The following TBC1D8B variants were observed in gnomAD, a reference collection of about 807,000 sequenced individuals.
TBC1D8B encodes RP11-321G1.1.
A neutral mutation model predicts 82.9 loss-of-function variants in TBC1D8B; 75 were observed. That is an observed-to-expected ratio of 0.90 (90% CI 0.75 to 1.10). The LOEUF (loss-of-function observed/expected upper bound fraction) is 1.10. Among genes scored for constraint, TBC1D8B ranks in the 50% least tolerant of loss-of-function variants. TBC1D8B has a pLI of 0.00. For missense variants in TBC1D8B, 794 were observed against 796.9 expected (o/e 1.00, Z 0.04); for synonymous variants, 276 against 276.8 (o/e 1.00, Z 0.03).
chrX:106,867,681 A>T (rs1932823159), intron 17 of TBC1D8B, among the ~76,000 whole-genome samples: 1 of 111,655 alleles, frequency 9.0e-6, no homozygotes, highest in Non-Finnish European at 1.9e-5. Context: ...GGGGTAGTTC[A>T]CAAAAACAAA....
chrX:106,832,425 A>C (rs2147744215), intron 7 of TBC1D8B, among the ~76,000 whole-genome samples: 1 of 111,415 alleles, frequency 9.0e-6, no homozygotes, highest in African/African-American at 3.2e-5. Flanking sequence ...TGACACATAT[A>C]ATCAAGAACT....
intron 10 of TBC1D8B, among the ~76,000 whole-genome samples, chrX:106,844,813 A>T (rs1316326319): frequency 5.4e-5 from 6 of 110,617 alleles, no homozygotes; most frequent in Non-Finnish European, 1.1e-4. Flanking sequence ...GGTGGTAATT[A>T]TTCTCTAAAT....
chrX:106,854,305 G>T lies in TBC1D8B; in HGVS notation c.2352+9G>T. ...CAACAAAACAGAATGTGGTAAGTAT[G>T]CAACCAATGAGGAAAAACCAGTTGG... On this transcript the variant is annotated intron_variant, in intron 14 of 20. Coordinates refer to ENST00000357242, the MANE Select transcript of TBC1D8B (RefSeq NM_017752.3). 1 of 1,113,917 alleles carries T rather than the reference G, an allele frequency of 9.0e-7. No homozygotes were observed. The highest frequency in any genetic ancestry group is 1.2e-6 in the Non-Finnish European group (1 of 836,400). 91.8% of individuals were successfully genotyped at this position (1,113,917 alleles called of 1,213,427 possible).
Position 106,866,015 on chromosome X carries a change from G to A in TBC1D8B, c.2644G>A (p.Glu882Lys). ...CTCTGATTGCCTTATAAACTTCAAA[G>A]AATTCTCCTCTGCAATTGGTAAGAT... ...ENSDCLINFKEFSSAIDIMYN... is the reference protein window; with the variant it reads ...ENSDCLINFKKFSSAIDIMYN... Residue 882 changes from glutamate (E) to lysine (K), a missense_variant, in exon 16 of 21, where the codon GAA becomes AAA. By Grantham distance (56) the Glu-to-Lys change is moderately conservative. Coordinates refer to ENST00000357242, the MANE Select transcript of TBC1D8B (RefSeq NM_017752.3). 1.7e-6 allele frequency: 2 copies of A among 1,201,152 alleles called. No individual in the cohort carries two copies. The highest frequency in any genetic ancestry group is 2.2e-6 in the Non-Finnish European group (2 of 891,683).
rs1256814733 is a variant in TBC1D8B, at chrX:106,875,458, C to T, written c.*1493C>T. On this transcript the variant is annotated 3_prime_UTR_variant, in exon 21 of 21. Coordinates refer to ENST00000357242, the MANE Select transcript of TBC1D8B (RefSeq NM_017752.3). ...ATTTTCAAGTTGAGCCTTTGAAAATCCCATAAATTGGTTTTAGCTAAACAC... is the reference window on the plus strand; with the variant it reads ...ATTTTCAAGTTGAGCCTTTGAAAATTCCATAAATTGGTTTTAGCTAAACAC... 3.6e-5 allele frequency: 4 copies of T among 111,975 alleles called. No individual in the cohort carries two copies. The Admixed American group carries it at 3.8e-4, about 11-fold the overall frequency. The allele number at this position is 111,975 out of a possible 1,213,427, so 9.2% of individuals were successfully genotyped here. A position where few individuals can be genotyped will look rare whatever the true frequency, so the allele number is the denominator to read the frequency against.
chrX:106,875,487 C>T lies in TBC1D8B; in HGVS notation c.*1522C>T, dbSNP rs1180536078. 3 of 112,319 alleles carry T rather than the reference C, an allele frequency of 2.7e-5. No homozygotes were observed. Among genetic ancestry groups the T allele is most frequent in the Non-Finnish European group, 5.6e-5 (3 of 53,245 alleles). 9.3% of individuals were successfully genotyped at this position (112,319 alleles called of 1,213,427 possible). A position where few individuals can be genotyped will look rare whatever the true frequency, so the allele number is the denominator to read the frequency against. On this transcript the variant is annotated 3_prime_UTR_variant, in exon 21 of 21. Coordinates refer to ENST00000357242, the MANE Select transcript of TBC1D8B (RefSeq NM_017752.3). ...TAAATTGGTTTTAGCTAAACACTTA[C>T]TAGTAGTGTCTTTAAATTATTTAAT...
intron 7 of TBC1D8B, among the ~76,000 whole-genome samples, chrX:106,837,936 A>G (rs943091115): frequency 1.8e-5 from 2 of 111,375 alleles, no homozygotes; most frequent in African/African-American, 6.5e-5. Context: ...TATAATTTAT[A>G]TATTTGTGCT....
intron 14 of TBC1D8B, among the ~76,000 whole-genome samples, chrX:106,865,099 A>T (rs1314525826): frequency 2.7e-5 from 3 of 111,328 alleles, no homozygotes; most frequent in African/African-American, 9.8e-5. Flanking sequence ...AAAAGTACAT[A>T]TTTTCTAAGC....
At chrX:106,860,340 GGTGT>G (rs3078333) in intron 14 of TBC1D8B, among the ~76,000 whole-genome samples, 9,306 of 82,585 alleles carry the variant, frequency 0.11, 404 homozygotes, top group South Asian at 0.24. Context: ...TTTTATGATT[GGTGT>G]GTGTGTGTGT....
intron 10 of TBC1D8B, 131 bp from the exon 11 acceptor site, chrX:106,848,053 CAT>C: frequency 2.7e-6 from 1 of 372,433 alleles, no homozygotes; most frequent in East Asian, 4.2e-5. Context: ...TCAGAGTTCT[CAT>C]GTTTCCACTG....
chrX:106,813,313 A>G (rs189084266), intron 1 of TBC1D8B, among the ~76,000 whole-genome samples: 2 of 112,277 alleles, frequency 1.8e-5, no homozygotes, highest in East Asian at 5.6e-4. Flanking sequence ...GGACTTGATG[A>G]TGATTACAGC....
rs565472063 is a variant in TBC1D8B at position 106,824,513 on chromosome X, G to A, written c.827+1047G>A. On this transcript the variant is annotated intron_variant, in intron 5 of 20. Transcript: ENST00000357242. Reference sequence around the variant, plus strand: ...CAGTACCAAAACTAGGTCTCAGTATGCATGATTTATAAATAGAATTCTATA... The same window carrying A: ...CAGTACCAAAACTAGGTCTCAGTATACATGATTTATAAATAGAATTCTATA... Among the ~76,000 whole-genome samples the A allele has an allele frequency of 6.5e-4, 72 of 111,400 alleles. 1 individual carries two copies. In the South Asian group the frequency reaches 0.026, roughly 41 times the overall value.
intron 5 of TBC1D8B, among the ~76,000 whole-genome samples, chrX:106,824,772 C>T (rs1200109466): frequency 9.0e-6 from 1 of 111,434 alleles, no homozygotes; most frequent in Non-Finnish European, 1.9e-5. Flanking sequence ...TACATATCTA[C>T]ATCTTTTTTT....
chrX:106,826,891 C>T (rs1435109024), intron 6 of TBC1D8B, among the ~76,000 whole-genome samples: 4 of 111,090 alleles, frequency 3.6e-5, no homozygotes, highest in Admixed American at 2.9e-4. Context: ...ACATCTTTTA[C>T]GTAAGTCAGA....
intron 11 of TBC1D8B, chrX:106,849,494 G>A (rs1932541765): frequency 1.5e-5 from 15 of 1,011,167 alleles, no homozygotes; most frequent in Non-Finnish European, 1.8e-5. Flanking sequence ...CAATTAGAAG[G>A]CCCTGGCTTC....
At position 106,827,221 on chromosome X, in the gene TBC1D8B, A is replaced by G; in HGVS notation, c.1087A>G (p.Ile363Val). The G allele has an allele frequency of 8.3e-7, 1 of 1,211,337 alleles. No individual in the cohort carries two copies. The highest frequency in any genetic ancestry group is 1.1e-6 in the Non-Finnish European group (1 of 895,157). The change falls in exon 7 of 21, where the codon ATC becomes GTC. Residue 363 changes from isoleucine to valine, a missense_variant. Coordinates refer to ENST00000357242, the MANE Select transcript of TBC1D8B (RefSeq NM_017752.3). ...NDSSKSVIIS[I>V]KGKTAFRFHE... Reference sequence around the variant, plus strand: ...TTCCAGCAAATCTGTCATCATTAGCATCAAAGGAAAAACAGCTTTTCGCTT... The same window carrying G: ...TTCCAGCAAATCTGTCATCATTAGCGTCAAAGGAAAAACAGCTTTTCGCTT...
intron 12 of TBC1D8B, among the ~76,000 whole-genome samples, chrX:106,851,255 T>C (rs1190949357): frequency 2.7e-5 from 3 of 111,837 alleles, no homozygotes; most frequent in African/African-American, 9.8e-5. Flanking sequence ...CCAGGCGTGG[T>C]GGTGAACACC....
rs1187183211 is a variant in TBC1D8B at position 106,831,470 on chromosome X, A to C, written c.1203+4133A>C. Among the ~76,000 whole-genome samples, 30 of 111,516 alleles carry C rather than the reference A, an allele frequency of 2.7e-4. No individual in the cohort carries two copies. The Admixed American group carries it at 2.8e-3, about 10-fold the overall frequency. On this transcript the variant is annotated intron_variant, in intron 7 of 20. Transcript: ENST00000357242. ...TTAGTTTGATGTGGGAATACAAGTA[A>C]AATCTGACCAGCCTTAGTAGTTTTC... is the stretch of plus-strand genomic sequence containing the variant.
At chrX:106,842,843 G>C (rs1932346128) in intron 10 of TBC1D8B, among the ~76,000 whole-genome samples, 1 of 110,768 alleles carries the variant, frequency 9.0e-6, no homozygotes, top group South Asian at 3.8e-4. Flanking sequence ...TCCATTAGCA[G>C]TTACTCCCCA....
Sources: gnomAD v4.1 joint callset for allele counts (sites outside exome capture counted in the v4.1 genomes callset) on GRCh38, gnomAD v4.1.1 for gene constraint, MANE v1.5 for transcripts, NCBI Gene and HGNC (gene_info 2026-07-23, HGNC 2026-07-21) for gene names.